WDR91: variants seen among roughly 807,000 people sequenced by gnomAD.
WDR91 encodes WD repeat domain 91.
WDR91 carries 52 observed loss-of-function variants against 88.4 expected under a neutral mutation model. The ratio of observed to expected loss-of-function variants is 0.59; its 90% CI spans 0.47 to 0.74. The LOEUF (loss-of-function observed/expected upper bound fraction) is 0.74. Among genes scored for constraint, WDR91 ranks in the 30% least tolerant of loss-of-function variants. WDR91 has a pLI of 0.00. For missense variants in WDR91, 824 were observed against 954.5 expected, an observed-to-expected ratio of 0.86 and a Z score of 1.80; for synonymous variants, 362 against 389.5, an observed-to-expected ratio of 0.93 and a Z score of 0.83.
In WDR91 at chr7:135,209,102, A is replaced by G. The variant is rs1335016889; in HGVS notation, c.304-104T>C. ...GACAACCTTTGACTATCAGCCTGCC[A>G]GGTAAGTGGCAAAATAAAATTCCAT... On this transcript the variant is annotated intron_variant, in intron 2 of 14. Coordinates refer to ENST00000354475, the MANE Select transcript of WDR91 (RefSeq NM_014149.4). 3 of 911,548 alleles carry G rather than the reference A, an allele frequency of 3.3e-6. No homozygotes were observed. The Admixed American group carries it at 8.9e-5, about 27-fold the overall frequency. 56.5% of individuals were successfully genotyped at this position (911,548 alleles called of 1,614,324 possible). A position where few individuals can be genotyped will look rare whatever the true frequency, so the allele number is the denominator to read the frequency against.
chr7:135,205,296 C>T (rs1220346504), intron 5 of WDR91, among the ~76,000 whole-genome samples: 1 of 152,230 alleles, frequency 6.6e-6, no homozygotes, highest in Non-Finnish European at 1.5e-5. Context: ...TGCACAAAAC[C>T]TTCCCAAGAC....
chr7:135,193,404 A>G lies in WDR91; in HGVS notation c.1491-5T>C. 1 of 1,614,040 alleles carries G rather than the reference A, an allele frequency of 6.2e-7. No individual in the cohort carries two copies. Among genetic ancestry groups the G allele is most frequent in the East Asian group, 2.2e-5 (1 of 44,886 alleles). On this transcript the variant is annotated splice_region_variant and splice_polypyrimidine_tract_variant and intron_variant, in intron 10 of 14. Transcript: ENST00000354475. ...CTGCACGCAAGAGACAGGATTCTGC[A>G]ACACACATGGGCCTGGGTCAGACCC...
chr7:135,195,700 A>C (rs1314814029), intron 8 of WDR91, among the ~76,000 whole-genome samples: 1 of 152,170 alleles, frequency 6.6e-6, no homozygotes, highest in African/African-American at 2.4e-5. Flanking sequence ...TAATCCCAGC[A>C]CTGTGGGAGG....
At chr7:135,187,237 C>T (rs1562943648) in intron 13 of WDR91, 68 bp from the exon 14 acceptor site, 9 of 1,548,558 alleles carry the variant, frequency 5.8e-6, no homozygotes, top group Non-Finnish European at 4.4e-6. Flanking sequence ...AAGGAAGAGC[C>T]AGGACCCACC....
Position 135,196,084 on chromosome 7 carries a change from A to G in WDR91, c.1244+60T>C. ...GCCATCTCCTGCTGGCCACACCTCC[A>G]CGTGTACTGCCTGAAAATCTGAGCT... On this transcript the variant is annotated intron_variant, in intron 8 of 14. Coordinates refer to ENST00000354475, the MANE Select transcript of WDR91 (RefSeq NM_014149.4). This position sits in a 1 kb window ranked among gnomAD's most constrained non-coding sequence, Gnocchi z 4.2. 6.9e-7 allele frequency: 1 copy of G among 1,444,386 alleles called. No homozygotes were observed. The allele number at this position is 1,444,386 out of a possible 1,614,324, so 89.5% of individuals were successfully genotyped here. A position where few individuals can be genotyped will look rare whatever the true frequency, so the allele number is the denominator to read the frequency against.
intron 8 of WDR91, among the ~76,000 whole-genome samples, chr7:135,195,437 G>A (rs1831326197): frequency 6.6e-6 from 1 of 152,248 alleles, no homozygotes; most frequent in Non-Finnish European, 1.5e-5. Flanking sequence ...CATCAGGGCT[G>A]TCAAAACGAG....
intron 5 of WDR91, among the ~76,000 whole-genome samples, 193 bp from the exon 6 acceptor site, chr7:135,204,626 A>C (rs1831695070): frequency 6.6e-6 from 1 of 152,200 alleles, no homozygotes; most frequent in South Asian, 2.1e-4. Context: ...ATCTGTTACA[A>C]GGGTGAAGTC....
rs79786005 is a variant in WDR91 at position 135,206,108 on chromosome 7, T to C, written c.595-50A>G. 7,328 of 1,612,650 alleles carry C rather than the reference T, an allele frequency of 4.5e-3. 37 individuals carry two copies. The highest frequency in any genetic ancestry group is 0.018 in the Middle Eastern group (109 of 5,926). ...GCCAATGATCTCACCTAACCTTCCC[T>C]CTGCGGAGGAAGATTTCTAGACACA... On this transcript the variant is annotated intron_variant, in intron 4 of 14. Coordinates refer to ENST00000354475, the MANE Select transcript of WDR91 (RefSeq NM_014149.4).
chr7:135,207,704 A>G (rs1041708605), intron 3 of WDR91, among the ~76,000 whole-genome samples: 3 of 152,210 alleles, frequency 2.0e-5, no homozygotes, highest in African/African-American at 7.2e-5. Context: ...CTTTCTGCAG[A>G]TTGCGTGGCC....
intron 12 of WDR91, 145 bp downstream of exon 12, chr7:135,189,199 C>A (rs757343978): frequency 3.1e-6 from 2 of 637,708 alleles, no homozygotes; most frequent in African/African-American, 3.7e-5. Context: ...AAAACGTTGA[C>A]CAAAGTTAAG....
Position 135,196,695 on chromosome 7 carries a change from G to A in WDR91, c.1051-358C>T, listed in dbSNP as rs917744542. 9.8e-5 allele frequency among the ~76,000 whole-genome samples: 15 copies of A among 152,324 alleles called. No homozygotes were observed. Among genetic ancestry groups the A allele is most frequent in the Middle Eastern group, 3.4e-3 (1 of 294 alleles). ...CACACACCGCGCTGAGTATTTTACAGATTTCTCTCATTTAGTCCTCCTCAA... is the reference window on the plus strand; with the variant it reads ...CACACACCGCGCTGAGTATTTTACAAATTTCTCTCATTTAGTCCTCCTCAA... On this transcript the variant is annotated intron_variant, in intron 7 of 14. Coordinates refer to ENST00000354475, the MANE Select transcript of WDR91 (RefSeq NM_014149.4). The surrounding 1 kb of genome is among the most constrained non-coding windows in gnomAD (Gnocchi z 4.2).
intron 6 of WDR91, among the ~76,000 whole-genome samples, chr7:135,203,618 G>A (rs1831652240): frequency 2.0e-5 from 3 of 152,148 alleles, no homozygotes; most frequent in African/African-American, 7.2e-5. Flanking sequence ...TGGATTCAGA[G>A]GTAATTCTTG....
chr7:135,191,219 T>C (rs1455343309), intron 11 of WDR91, among the ~76,000 whole-genome samples: 2 of 152,198 alleles, frequency 1.3e-5, no homozygotes, highest in Non-Finnish European at 1.5e-5. Flanking sequence ...AAAACACATA[T>C]ACTGTGGTTT....
chr7:135,209,673 T>C lies in WDR91; in HGVS notation c.206A>G (p.Glu69Gly). 1 of 1,613,684 alleles carries C rather than the reference T, an allele frequency of 6.2e-7. No individual in the cohort carries two copies. The change falls in exon 2 of 15, where the codon GAG (glutamate) becomes GGG (glycine). Residue 69 changes from glutamate to glycine, a missense_variant. Transcript: ENST00000354475. ...CTCCAAGCGGCTGAAGAGCCGACGC[T>C]CCAAGTAGCTCCAATAATCCCGAAG... is the stretch of plus-strand genomic sequence containing the variant. The part of the protein sequence containing the change: ...AALRDYWSYL[E>G]RRLFSRLEDI...
At chr7:135,190,145 C>T (rs747983911) in intron 11 of WDR91, among the ~76,000 whole-genome samples, 76 of 152,094 alleles carry the variant, frequency 5.0e-4, no homozygotes, top group Non-Finnish European at 8.1e-4. Context: ...TTAATCAGAT[C>T]CAGATGACTC....
At chr7:135,211,291 C>G in intron 1 of WDR91, 89 bp downstream of exon 1, 1 of 1,490,854 alleles carries the variant, frequency 6.7e-7, no homozygotes, top group African/African-American at 1.4e-5. Flanking sequence ...GACAGCGCCG[C>G]TCTCGCCCCG....
chr7:135,192,541 T>C (rs1300814196), intron 11 of WDR91, among the ~76,000 whole-genome samples: 1 of 152,028 alleles, frequency 6.6e-6, no homozygotes, highest in Non-Finnish European at 1.5e-5. Flanking sequence ...CTGAGAGGTC[T>C]GACAGACCCA....
At chr7:135,189,570 A>G in intron 11 of WDR91, 118 bp from the exon 12 acceptor site, 1 of 729,138 alleles carries the variant, frequency 1.4e-6, no homozygotes, top group Non-Finnish European at 2.2e-6. Flanking sequence ...CCCTTATGTA[A>G]TCTGGAAATG....
intron 6 of WDR91, among the ~76,000 whole-genome samples, chr7:135,203,487 C>G (rs181600667): frequency 6.6e-4 from 101 of 152,266 alleles, no homozygotes; most frequent in African/African-American, 2.4e-3. Flanking sequence ...CAGTGGGACC[C>G]TTGGCTGTTT....
Sources: gnomAD v4.1 joint callset for allele counts (sites outside exome capture counted in the v4.1 genomes callset) on GRCh38, gnomAD v4.1.1 for gene constraint, Gnocchi (gnomAD v3.1) non-coding constraint, MANE v1.5 for transcripts, NCBI Gene and HGNC (gene_info 2026-07-23, HGNC 2026-07-21) for gene names.